The following ARHGAP29 variants were observed in gnomAD, a reference collection of about 807,000 sequenced individuals.
ARHGAP29 encodes Rho GTPase activating protein 29.
In ARHGAP29, 43 loss-of-function variants were observed where a neutral mutation model predicts 122.6. That is an observed-to-expected ratio of 0.35 (90% CI 0.27 to 0.45). The LOEUF is 0.45. Among genes scored for constraint, ARHGAP29 ranks in the 20% least tolerant of loss-of-function variants. The pLI is 1.00. For synonymous variants in ARHGAP29, 506 were observed against 497.1 expected, an observed-to-expected ratio of 1.02 and a Z score of -0.24; for missense variants, 1,303 against 1,477.2, an observed-to-expected ratio of 0.88 and a Z score of 1.93.
intron 1 of ARHGAP29, among the ~76,000 whole-genome samples, chr1:94,243,979 A>C (rs1317439164): frequency 1.3e-5 from 2 of 152,030 alleles, no homozygotes. Flanking sequence ...CTGACACAAG[A>C]AACAGAAAAT....
the ARHGAP29 span, among the ~76,000 whole-genome samples, chr1:94,314,062 CATGTATACAT>C: frequency 6.6e-6 from 1 of 152,226 alleles, no homozygotes; most frequent in South Asian, 2.1e-4. Context: ...CAACGTGGCA[CATGTATACAT>C]ATGTAATAAA....
rs1195508403 is a variant in ARHGAP29, at chr1:94,171,532, GT to G, written c.*2336del. On this transcript the variant is annotated 3_prime_UTR_variant, in exon 23 of 23. Transcript: ENST00000260526. Reference sequence around the variant, plus strand: ...TCCTTTTGGTCACGTATCTTTCCATGTTGCAAAAAACAACTTCTGGATAAAT... The same window carrying G: ...TCCTTTTGGTCACGTATCTTTCCATGTGCAAAAAACAACTTCTGGATAAAT... Among the ~76,000 whole-genome samples, 1 of 152,056 alleles carries G rather than the reference GT, an allele frequency of 6.6e-6. No individual in the cohort carries two copies.
rs1182349707 is a variant in ARHGAP29 at position 94,209,272 on chromosome 1, G to A, written c.419C>T (p.Ala140Val). ...QEVFSSIETL[A>V]FTFGNILTNF... ...TACTTACATATTTCCAAAGGTAAATGCCAAAGTTTCAATAGAAGAAAACAC... is the reference window on the plus strand; with the variant it reads ...TACTTACATATTTCCAAAGGTAAATACCAAAGTTTCAATAGAAGAAAACAC... Residue 140 changes from alanine to valine, a missense_variant, in exon 4 of 23, where the codon GCA becomes GTA. Physicochemically the swap from Ala to Val is moderately conservative, Grantham distance 64. Coordinates refer to ENST00000260526, the MANE Select transcript of ARHGAP29 (RefSeq NM_004815.4). The A allele has an allele frequency of 8.7e-6, 14 of 1,609,308 alleles. No individual in the cohort carries two copies. Among genetic ancestry groups the A allele is most frequent in the Non-Finnish European group, 9.3e-6 (11 of 1,178,384 alleles).
At chr1:94,237,593 C>T (rs1408656063), upstream of ARHGAP29, 1 of 989,178 alleles carries the variant, frequency 1.0e-6, no homozygotes, top group African/African-American at 1.7e-5. Flanking sequence ...CTGCAGCCGC[C>T]ACCGCCCCTG....
chr1:94,310,621 C>T, the ARHGAP29 span, among the ~76,000 whole-genome samples: 1 of 152,240 alleles, frequency 6.6e-6, no homozygotes, highest in East Asian at 1.9e-4. Flanking sequence ...CGCTCTTTGA[C>T]CTCAGTTGAG....
At position 94,177,709 on chromosome 1, in the gene ARHGAP29, A is replaced by C. The variant is rs201840666; in HGVS notation, c.2808T>G (p.Thr936=). 152 of 1,611,650 alleles carry C rather than the reference A, an allele frequency of 9.4e-5. No individual in the cohort carries two copies. The highest frequency in any genetic ancestry group is 1.3e-4 in the Non-Finnish European group (150 of 1,179,208). Residue 936 remains threonine (T), a synonymous_variant, in exon 22 of 23, where the codon ACT becomes ACG. Transcript: ENST00000260526. ...CAAAAATTTTGCTTTCACTCTCTGA[A>C]GTATGGATATCCTGTTGATGCAAGA... The part of the protein sequence containing the change: ...LFFSSKEDIH[T]SESESKIFER...
At chr1:94,295,023 T>G in the ARHGAP29 span, among the ~76,000 whole-genome samples, 2 of 151,762 alleles carry the variant, frequency 1.3e-5, no homozygotes, top group African/African-American at 2.4e-5. Context: ...AGAAAAGAGG[T>G]AAGAAAGGTA....
chr1:94,179,792 C>T lies in ARHGAP29; in HGVS notation c.2413G>A (p.Asp805Asn). Residue 805 changes from aspartate (D) to asparagine (N), a missense_variant, in exon 20 of 23, where the codon GAC (aspartate) becomes AAC (asparagine). Physicochemically the swap from Asp to Asn is conservative, Grantham distance 23. This residue lies in a region of ARHGAP29 where 620 missense variants were observed against 651.2 expected (regional missense o/e 0.95). Coordinates refer to ENST00000260526, the MANE Select transcript of ARHGAP29 (RefSeq NM_004815.4). ...EINRILLKSK[D>N]LLRQLPASNF... The stretch of plus-strand genomic sequence containing the variant: ...GATGCTGGCAATTGTCTTAGAAGGT[C>T]TTTGCTTTTTAGAAGAATTCGGTTT... 1 of 1,613,468 alleles carries T rather than the reference C, an allele frequency of 6.2e-7. No individual in the cohort carries two copies. Among genetic ancestry groups the T allele is most frequent in the Non-Finnish European group, 8.5e-7 (1 of 1,179,710 alleles).
intron 3 of ARHGAP29, among the ~76,000 whole-genome samples, chr1:94,211,224 T>C (rs754492848): frequency 1.6e-5 from 2 of 126,832 alleles, no homozygotes; most frequent in Non-Finnish European, 3.1e-5. Context: ...GAGGCAGAGG[T>C]TGCAGTAAGC....
At chr1:94,275,081 T>C (rs1044385578), upstream of ARHGAP29, 9 of 152,190 alleles carry the variant, frequency 5.9e-5, no homozygotes, top group African/African-American at 2.2e-4. Context: ...AATCTGGCTG[T>C]CTATGAGCTA....
At chr1:94,280,861 A>C in the ARHGAP29 span, among the ~76,000 whole-genome samples, 1 of 152,204 alleles carries the variant, frequency 6.6e-6, no homozygotes, top group African/African-American at 2.4e-5. Context: ...CATAACTAAG[A>C]GGATAGGATG....
Position 94,249,162 on chromosome 1 carries a change from C to A in ARHGAP29, c.-32-17519G>T, listed in dbSNP as rs142209811. Among the ~76,000 whole-genome samples the A allele has an allele frequency of 7.2e-4, 109 of 152,300 alleles. 1 individual carries two copies. The highest frequency in any genetic ancestry group is 1.4e-3 in the South Asian group (7 of 4,828). ...CCTCTAACACTGACTCAGCATGTGC[C>A]CTGAATCATCTTATAAGCCAACTAG... On this transcript the variant is annotated intron_variant and NMD_transcript_variant, in intron 1 of 25. Coordinates refer to the ARHGAP29 transcript ENST00000552844.
the ARHGAP29 span, among the ~76,000 whole-genome samples, chr1:94,295,746 C>T: frequency 6.6e-6 from 1 of 152,186 alleles, no homozygotes; most frequent in African/African-American, 2.4e-5. Context: ...TCTAATTCCA[C>T]ACAATGTGGA....
chr1:94,252,476 G>A (rs1654134754), intron 1 of ARHGAP29, among the ~76,000 whole-genome samples: 1 of 152,198 alleles, frequency 6.6e-6, no homozygotes, highest in African/African-American at 2.4e-5. Context: ...ATCACCCTGT[G>A]CCGTAGAGGC....
At chr1:94,308,905 T>G in the ARHGAP29 span, among the ~76,000 whole-genome samples, 1 of 152,184 alleles carries the variant, frequency 6.6e-6, no homozygotes, top group Non-Finnish European at 1.5e-5. Flanking sequence ...GGTGGACAGT[T>G]CTGAGACACA....
chr1:94,251,505 A>G (rs1287215786), intron 1 of ARHGAP29, among the ~76,000 whole-genome samples: 1 of 152,182 alleles, frequency 6.6e-6, no homozygotes, highest in Non-Finnish European at 1.5e-5. Flanking sequence ...TTTCTGCTGG[A>G]CTTCATGGAA....
the ARHGAP29 span, chr1:94,302,761 C>G: frequency 6.1e-6 from 2 of 325,482 alleles, no homozygotes; most frequent in East Asian, 2.1e-4. Context: ...CTGACCTGCT[C>G]TCTGGAGAAA....
At chr1:94,262,443 A>G (rs2100717150) in intron 1 of ARHGAP29, among the ~76,000 whole-genome samples, 1 of 152,326 alleles carries the variant, frequency 6.6e-6, no homozygotes, top group East Asian at 1.9e-4. Context: ...CAGCAAAATA[A>G]ACTATCAATA....
chr1:94,231,680 G>C (rs577639921), intron 1 of ARHGAP29, 37 bp from the exon 2 acceptor site: 1 of 1,476,284 alleles, frequency 6.8e-7, no homozygotes, highest in South Asian at 1.3e-5. Context: ...AACAAGCGAG[G>C]AGAGAGAAAG....
Sources: gnomAD v4.1 joint callset for allele counts (sites outside exome capture counted in the v4.1 genomes callset) on GRCh38, gnomAD v4.1.1 for gene constraint, gnomAD v4.1.1 regional missense constraint, MANE v1.5 for transcripts, NCBI Gene and HGNC (gene_info 2026-07-23, HGNC 2026-07-21) for gene names.